Variants in GYPB observed in about 807,000 individuals in gnomAD.
GYPB encodes glycophorin B (MNS blood group).
A neutral mutation model predicts 15.3 loss-of-function variants in GYPB; 13 were observed. The observed-to-expected ratio is 0.85, with a 90% CI of 0.55 to 1.35. The LOEUF is 1.35. Among genes scored for constraint, GYPB ranks in the 40% most tolerant of loss-of-function variants. The pLI is 0.00. For synonymous variants in GYPB, 38 were observed against 36.9 expected (o/e 1.03, Z -0.11); for missense variants, 131 against 108.3 (o/e 1.21, Z -0.93).
intron 1 of GYPB, among the ~76,000 whole-genome samples, chr4:144,003,260 G>C (rs1306034762): frequency 6.6e-6 from 1 of 151,236 alleles, no homozygotes; most frequent in African/African-American, 2.5e-5. Context: ...TTTTTATTTA[G>C]GGAAAATCAC....
intron 1 of GYPB, among the ~76,000 whole-genome samples, chr4:144,003,933 G>C (rs890211308): frequency 2.0e-5 from 3 of 151,402 alleles, no homozygotes; most frequent in African/African-American, 7.4e-5. Flanking sequence ...CTTTTAACAA[G>C]GCTCTGAACT....
intron 1 of GYPB, among the ~76,000 whole-genome samples, chr4:144,009,593 T>C (rs1185070115): frequency 7.4e-6 from 1 of 134,398 alleles, no homozygotes; most frequent in Non-Finnish European, 1.6e-5. Flanking sequence ...TTTTGATTTT[T>C]TTTCTTTCTT....
rs144269704 is a variant in GYPB, at chr4:144,014,150, A to G, written c.37+5101T>C. ...AATTGGCACCTCATACACTCTGGTG[A>G]AAAGGTAAAAAGGTGCAGCTCCTGT... On this transcript the variant is annotated intron_variant, in intron 1 of 4. Coordinates refer to ENST00000502664, the MANE Select transcript of GYPB (RefSeq NM_002100.6). Among the ~76,000 whole-genome samples the G allele has an allele frequency of 3.1e-4, 47 of 151,968 alleles. No individual in the cohort carries two copies. The East Asian group carries it at 8.3e-3, about 27-fold the overall frequency.
At chr4:144,010,469 T>A (rs1286797189) in intron 1 of GYPB, among the ~76,000 whole-genome samples, 1 of 150,746 alleles carries the variant, frequency 6.6e-6, no homozygotes, top group Admixed American at 6.6e-5. Flanking sequence ...ATCTTGTCTC[T>A]AAAAAAAATT....
intron 1 of GYPB, among the ~76,000 whole-genome samples, chr4:144,001,690 G>A (rs1727634049): frequency 1.3e-5 from 2 of 150,936 alleles, no homozygotes; most frequent in Non-Finnish European, 2.9e-5. Flanking sequence ...ATATATGTTG[G>A]GTATTATTGT....
chr4:143,997,411 T>C, intron 4 of GYPB, 129 bp downstream of exon 4: 1 of 625,908 alleles, frequency 1.6e-6, no homozygotes, highest in Non-Finnish European at 2.9e-6. Context: ...CTTCTATGTG[T>C]CCAGTTGAAA....
intron 1 of GYPB, among the ~76,000 whole-genome samples, chr4:144,005,423 C>T (rs1246681646): frequency 1.3e-5 from 2 of 151,960 alleles, no homozygotes; most frequent in East Asian, 1.9e-4. Flanking sequence ...TCCTGAGCTC[C>T]CTGGACATCC....
intron 3 of GYPB, 74 bp downstream of exon 3, chr4:143,999,337 T>C: frequency 1.3e-6 from 1 of 772,612 alleles, no homozygotes; most frequent in East Asian, 2.6e-5. Context: ...AGACACATTT[T>C]CTTAGGCATT....
rs946617600 is a variant in GYPB at position 144,018,732 on chromosome 4, G to GT, written c.37+518dup. ...ACCTAAGCCAGTAAGAGTTGTTTTT[G>GT]TTTTTTTTCTTCCTATGTGACACTT... On this transcript the variant is annotated intron_variant, in intron 1 of 4. Coordinates refer to ENST00000502664, the MANE Select transcript of GYPB (RefSeq NM_002100.6). Among the ~76,000 whole-genome samples the GT allele has an allele frequency of 7.4e-5, 11 of 149,554 alleles. 1 individual carries two copies. Among genetic ancestry groups the GT allele is most frequent in the African/African-American group, 2.7e-4 (11 of 40,184 alleles).
At chr4:144,017,854 C>T (rs548290774) in intron 1 of GYPB, among the ~76,000 whole-genome samples, 1 of 151,394 alleles carries the variant, frequency 6.6e-6, no homozygotes, top group East Asian at 1.9e-4. Context: ...ACATCCCTTT[C>T]ATTTGTTTTC....
intron 1 of GYPB, among the ~76,000 whole-genome samples, chr4:144,008,033 C>T (rs1161496097): frequency 6.6e-6 from 1 of 151,534 alleles, no homozygotes; most frequent in East Asian, 1.9e-4. Context: ...TTACTGCACA[C>T]TTACTTCATT....
At chr4:144,016,400 C>G (rs1484634827) in intron 1 of GYPB, among the ~76,000 whole-genome samples, 1 of 148,748 alleles carries the variant, frequency 6.7e-6, no homozygotes, top group Non-Finnish European at 1.5e-5. Flanking sequence ...CTCTTCTTTC[C>G]TTCCTTCTTT....
chr4:144,008,479 G>A (rs1220904995), intron 1 of GYPB: 10 of 455,098 alleles, frequency 2.2e-5, no homozygotes, highest in East Asian at 1.4e-4. Flanking sequence ...TTACGGAAGA[G>A]AAGATGGTTC....
chr4:144,001,348 T>C lies in GYPB; in HGVS notation c.38-65A>G. The C allele has an allele frequency of 1.9e-6, 3 of 1,611,818 alleles. No individual in the cohort carries two copies. The Admixed American group carries it at 5.0e-5, about 27-fold the overall frequency. ...GTGACTGAGCAGACCATAAAGCATA[T>C]CACAAAAGACAAATTCCTCTCACAT... On this transcript the variant is annotated intron_variant, in intron 1 of 4. Coordinates refer to ENST00000502664, the MANE Select transcript of GYPB (RefSeq NM_002100.6).
chr4:143,996,193 T>C lies in GYPB; in HGVS notation c.*106A>G. ...AACAGGGAATTAGGATAGCCAGGGG[T>C]AGGGGCATAAGCAAAGGAATAGCAG... On this transcript the variant is annotated 3_prime_UTR_variant, in exon 5 of 5. Coordinates refer to ENST00000502664, the MANE Select transcript of GYPB (RefSeq NM_002100.6). The C allele has an allele frequency of 1.9e-6, 3 of 1,542,904 alleles. No homozygotes were observed. Among genetic ancestry groups the C allele is most frequent in the Non-Finnish European group, 2.6e-6 (3 of 1,142,332 alleles).
At chr4:144,016,878 C>T in intron 1 of GYPB, 1 of 249,048 alleles carries the variant, frequency 4.0e-6, no homozygotes, top group Non-Finnish European at 8.4e-6. Context: ...AGGGTTGGCT[C>T]CATCTCCTTG....
intron 1 of GYPB, among the ~76,000 whole-genome samples, chr4:144,005,932 G>A (rs1579057689): frequency 6.6e-6 from 1 of 151,498 alleles, no homozygotes; most frequent in East Asian, 1.9e-4. Context: ...AGAAAGGGGA[G>A]TATAACATGC....
Position 144,003,297 on chromosome 4 carries a change from GGGAAAAAAAACATGC to G in GYPB, c.38-2029_38-2015del, listed in dbSNP as rs531605331. Among the ~76,000 whole-genome samples, 342 of 151,278 alleles carry G rather than the reference GGGAAAAAAAACATGC, an allele frequency of 2.3e-3. 15 individuals carry two copies. Among genetic ancestry groups the G allele is most frequent in the African/African-American group, 8.3e-3 (336 of 40,654 alleles). On this transcript the variant is annotated intron_variant, in intron 1 of 4. Transcript: ENST00000502664. ...GTCAGTAGTATGGAGGATAACTTAG[GGGAAAAAAAACATGC>G]GGGAGCTTTGCAGTAGAGGGTCCCA...
chr4:144,005,235 T>G (rs1727844109), intron 1 of GYPB, among the ~76,000 whole-genome samples: 1 of 151,950 alleles, frequency 6.6e-6, no homozygotes, highest in African/African-American at 2.4e-5. Flanking sequence ...CTAGCTCAGA[T>G]TAGCATATCT....
Sources: gnomAD v4.1 joint callset for allele counts (sites outside exome capture counted in the v4.1 genomes callset) on GRCh38, gnomAD v4.1.1 for gene constraint, MANE v1.5 for transcripts, NCBI Gene and HGNC (gene_info 2026-07-23, HGNC 2026-07-21) for gene names.